MAGI2: variants seen among roughly 807,000 people sequenced by gnomAD.
MAGI2 encodes the protein membrane associated guanylate kinase, WW and PDZ domain containing 2, also known as membrane-associated guanylate kinase, WW and PDZ domain-containing protein 2.
A neutral mutation model predicts 133.3 loss-of-function variants in MAGI2; 35 were observed. The observed-to-expected ratio is 0.26, with a 90% CI of 0.20 to 0.35. The LOEUF (loss-of-function observed/expected upper bound fraction) is 0.35. MAGI2 is among the 10% of genes least tolerant of loss of function. The pLI is 1.00. For missense variants in MAGI2, 1,636 were observed against 1,863.4 expected (o/e 0.88, Z 2.25); for synonymous variants, 729 against 710.6 (o/e 1.03, Z -0.41).
At chr7:78,786,322 A>G (rs114556939) in intron 2 of MAGI2, among the ~76,000 whole-genome samples, 1,953 of 152,284 alleles carry the variant, frequency 0.013, 39 homozygotes, top group African/African-American at 0.042. Context: ...GCAGTACCCT[A>G]ACTGTTCTCC....
intron 1 of MAGI2, among the ~76,000 whole-genome samples, chr7:79,377,852 T>C (rs181573122): frequency 1.3e-3 from 194 of 151,884 alleles, no homozygotes; most frequent in Non-Finnish European, 2.0e-3. Flanking sequence ...AATAATAGTA[T>C]ATGTAGGTCG....
chr7:78,937,729 A>C (rs1346755326), intron 2 of MAGI2, among the ~76,000 whole-genome samples: 1 of 152,126 alleles, frequency 6.6e-6, no homozygotes. Context: ...CTCTGGATCG[A>C]AACTACCTGG....
chr7:79,132,051 C>T (rs1365680336), intron 1 of MAGI2, among the ~76,000 whole-genome samples: 1 of 152,048 alleles, frequency 6.6e-6, no homozygotes, highest in Non-Finnish European at 1.5e-5. Context: ...ACAAATAATA[C>T]TTTAAAACCC....
chr7:78,489,709 C>A, intron 6 of MAGI2, 52 bp downstream of exon 6: 1 of 1,368,058 alleles, frequency 7.3e-7, no homozygotes, highest in South Asian at 1.2e-5. Flanking sequence ...TTAAGAAACA[C>A]AAACATTCTC....
chr7:78,740,315 C>T (rs930498212), intron 2 of MAGI2, among the ~76,000 whole-genome samples: 1 of 152,122 alleles, frequency 6.6e-6, no homozygotes, highest in Non-Finnish European at 1.5e-5. Flanking sequence ...TGTTACAGTA[C>T]ATACCTTGAT....
At chr7:78,591,237 T>G (rs1419954288) in intron 3 of MAGI2, among the ~76,000 whole-genome samples, 2 of 152,186 alleles carry the variant, frequency 1.3e-5, no homozygotes, top group African/African-American at 4.8e-5. Context: ...TTTCAAGAAG[T>G]CATATTGACT....
At chr7:78,450,987 A>G (rs890838901) in intron 6 of MAGI2, among the ~76,000 whole-genome samples, 1 of 152,138 alleles carries the variant, frequency 6.6e-6, no homozygotes. Context: ...ATGACAAGTA[A>G]GAAAAGACAG....
chr7:78,903,586 A>G (rs1214190889), intron 2 of MAGI2, among the ~76,000 whole-genome samples: 1 of 152,128 alleles, frequency 6.6e-6, no homozygotes, highest in African/African-American at 2.4e-5. Context: ...AAATAAGACA[A>G]TGGAGTGAGA....
At chr7:79,204,638 A>G (rs985055230) in intron 1 of MAGI2, among the ~76,000 whole-genome samples, 1 of 152,104 alleles carries the variant, frequency 6.6e-6, no homozygotes, top group African/African-American at 2.4e-5. Flanking sequence ...TTGAAGATAT[A>G]TAACCTGCTT....
At chr7:79,444,115 G>T (rs896469604) in intron 1 of MAGI2, among the ~76,000 whole-genome samples, 1 of 152,002 alleles carries the variant, frequency 6.6e-6, no homozygotes. Flanking sequence ...ATTCAACAAC[G>T]CTTCATGCTA....
At chr7:78,498,840 GCCT>G (rs757649214) in intron 5 of MAGI2, among the ~76,000 whole-genome samples, 1 of 152,086 alleles carries the variant, frequency 6.6e-6, no homozygotes, top group Non-Finnish European at 1.5e-5. Context: ...CCTCGATCCT[GCCT>G]CCTCTGTTAA....
At chr7:78,088,203 T>G (rs1424473872) in intron 20 of MAGI2, among the ~76,000 whole-genome samples, 1 of 152,250 alleles carries the variant, frequency 6.6e-6, no homozygotes, top group Non-Finnish European at 1.5e-5. Flanking sequence ...TCAGATACAT[T>G]TATTTTCTGG....
chr7:79,062,842 G>T (rs1002181868), intron 1 of MAGI2, among the ~76,000 whole-genome samples: 3 of 152,048 alleles, frequency 2.0e-5, no homozygotes, highest in Admixed American at 6.6e-5. Context: ...TCTGAAATTT[G>T]ATGATGCTAA....
chr7:79,040,434 A>G (rs1201710911), intron 1 of MAGI2, among the ~76,000 whole-genome samples: 1 of 152,182 alleles, frequency 6.6e-6, no homozygotes, highest in Non-Finnish European at 1.5e-5. Flanking sequence ...AGTTGGTCTC[A>G]TGGAGGGTGG....
intron 6 of MAGI2, among the ~76,000 whole-genome samples, chr7:78,477,189 G>A (rs1365641427): frequency 2.0e-5 from 3 of 151,780 alleles, no homozygotes; most frequent in African/African-American, 7.3e-5. Context: ...CCTAACCACC[G>A]AGGGACACTT....
chr7:79,192,112 T>A (rs558630628), intron 1 of MAGI2, among the ~76,000 whole-genome samples: 3 of 151,992 alleles, frequency 2.0e-5, no homozygotes, highest in African/African-American at 7.2e-5. Flanking sequence ...CCCACTTAAA[T>A]TTGTAACCCC....
chr7:78,484,415 T>A (rs1274265298), intron 6 of MAGI2: 1 of 103,902 alleles, frequency 9.6e-6, no homozygotes, highest in East Asian at 6.1e-4. Context: ...TAAGATTATG[T>A]AATTTTTTTT....
At chr7:78,854,893 G>A (rs1793492250) in intron 2 of MAGI2, among the ~76,000 whole-genome samples, 2 of 151,130 alleles carry the variant, frequency 1.3e-5, no homozygotes, top group Non-Finnish European at 2.9e-5. Context: ...GTCTCGCTCT[G>A]TCACCCAGGC....
At chr7:79,135,527 T>G (rs565997865) in intron 1 of MAGI2, among the ~76,000 whole-genome samples, 86 of 152,262 alleles carry the variant, frequency 5.6e-4, no homozygotes, top group South Asian at 2.1e-3. Flanking sequence ...GAAGAGTAGC[T>G]TTTAGACTAA....
Sources: allele counts gnomAD v4.1 joint callset (sites outside exome capture counted in the v4.1 genomes callset), GRCh38; gene constraint gnomAD v4.1.1; transcripts MANE v1.5; gene names NCBI Gene and HGNC (gene_info 2026-07-23, HGNC 2026-07-21).